Variants in EDIL3 observed in about 807,000 individuals in gnomAD.
EDIL3 encodes the protein EGF-like repeat and discoidin I-like domain-containing protein 3.
A neutral mutation model predicts 67.4 loss-of-function variants in EDIL3; 37 were observed. That is an observed-to-expected ratio of 0.55 (90% CI 0.42 to 0.72). The LOEUF is 0.72. EDIL3 is among the 30% of genes least tolerant of loss of function. EDIL3 has a pLI of 0.00. For missense variants in EDIL3, 527 were observed against 586.3 expected, an observed-to-expected ratio of 0.90 and a Z score of 1.04; for synonymous variants, 195 against 196.3, an observed-to-expected ratio of 0.99 and a Z score of 0.05.
intron 9 of EDIL3, among the ~76,000 whole-genome samples, chr5:83,966,509 G>A (rs1744693996): frequency 6.6e-6 from 1 of 152,026 alleles, no homozygotes; most frequent in African/African-American, 2.4e-5. Flanking sequence ...TTATACTGAA[G>A]AAGGCAAGTA....
intron 3 of EDIL3, among the ~76,000 whole-genome samples, chr5:84,183,552 G>A (rs1749051393): frequency 6.6e-6 from 1 of 151,884 alleles, no homozygotes; most frequent in Non-Finnish European, 1.5e-5. Context: ...TTGCAGGTGA[G>A]GAAAAAAACC....
intron 1 of EDIL3, among the ~76,000 whole-genome samples, chr5:84,380,245 T>C (rs980853684): frequency 6.1e-4 from 93 of 152,068 alleles, no homozygotes; most frequent in Non-Finnish European, 2.8e-4. Flanking sequence ...ATATAGTCTA[T>C]AACTATAGAA....
intron 6 of EDIL3, among the ~76,000 whole-genome samples, chr5:84,082,264 G>T (rs975260951): frequency 1.3e-5 from 2 of 152,168 alleles, no homozygotes; most frequent in African/African-American, 4.8e-5. Context: ...TTTAAATTCT[G>T]ACTTGGGATC....
intron 9 of EDIL3, among the ~76,000 whole-genome samples, chr5:83,966,895 A>T (rs1338338980): frequency 6.6e-6 from 1 of 152,152 alleles, no homozygotes; most frequent in Non-Finnish European, 1.5e-5. Context: ...TGTTCTAGCA[A>T]CAAGTTCTGG....
intron 4 of EDIL3, among the ~76,000 whole-genome samples, chr5:84,177,475 C>T (rs1748941093): frequency 6.6e-6 from 1 of 152,002 alleles, no homozygotes; most frequent in African/African-American, 2.4e-5. Flanking sequence ...TTTAGTTTAG[C>T]GAATCTGTTC....
intron 3 of EDIL3, among the ~76,000 whole-genome samples, chr5:84,186,088 C>A (rs1350782077): frequency 6.6e-6 from 1 of 151,750 alleles, no homozygotes; most frequent in Non-Finnish European, 1.5e-5. Context: ...GTTTTATTGC[C>A]CCAAGTGATA....
At chr5:84,037,569 C>T (rs1477012856) in intron 9 of EDIL3, among the ~76,000 whole-genome samples, 1 of 152,056 alleles carries the variant, frequency 6.6e-6, no homozygotes, top group Non-Finnish European at 1.5e-5. Context: ...AAACAGATTT[C>T]AGTATATTTT....
At chr5:84,314,772 G>A (rs977380421) in intron 1 of EDIL3, among the ~76,000 whole-genome samples, 6 of 151,982 alleles carry the variant, frequency 3.9e-5, no homozygotes, top group Admixed American at 2.0e-4. Flanking sequence ...GACAACAAAC[G>A]TTAAATTCCA....
At chr5:83,948,597 T>A (rs561703778) in intron 10 of EDIL3, among the ~76,000 whole-genome samples, 1 of 149,530 alleles carries the variant, frequency 6.7e-6, no homozygotes, top group Admixed American at 6.6e-5. Flanking sequence ...AAAAATCAAA[T>A]TTTTTTTATT....
intron 9 of EDIL3, among the ~76,000 whole-genome samples, chr5:84,014,421 C>T (rs765613609): frequency 6.6e-5 from 10 of 152,116 alleles, no homozygotes; most frequent in South Asian, 2.1e-4. Context: ...CCAAGGCAGG[C>T]GGATTACAAA....
rs145608088 is a variant in EDIL3, at chr5:83,979,327, G to T, written c.1138-15967C>A. On this transcript the variant is annotated intron_variant, in intron 9 of 10. Coordinates refer to ENST00000296591, the MANE Select transcript of EDIL3 (RefSeq NM_005711.5). ...GCACTGCTGATGAAAATCCAAATTG[G>T]CTTAACAACTTCGTAGGACAAATTA... 9.3e-3 allele frequency among the ~76,000 whole-genome samples: 1,417 copies of T among 152,170 alleles called. 16 individuals carry two copies. Among genetic ancestry groups the T allele is most frequent in the African/African-American group, 0.033 (1,353 of 41,548 alleles).
chr5:83,997,522 G>A (rs1023193560), intron 9 of EDIL3, among the ~76,000 whole-genome samples: 5 of 152,038 alleles, frequency 3.3e-5, no homozygotes, highest in Non-Finnish European at 5.9e-5. Context: ...GAATAAAGAT[G>A]GAATTTAGAT....
intron 1 of EDIL3, among the ~76,000 whole-genome samples, chr5:84,286,325 T>C (rs1352647993): frequency 1.3e-5 from 2 of 152,140 alleles, no homozygotes; most frequent in Non-Finnish European, 2.9e-5. Flanking sequence ...TGTCGTTATT[T>C]TAAAAGAAAA....
chr5:84,319,494 C>CAAAA (rs55738450), intron 1 of EDIL3, among the ~76,000 whole-genome samples: 15 of 42,830 alleles, frequency 3.5e-4, no homozygotes, highest in South Asian at 1.4e-3. Context: ...CAAAAAACAA[C>CAAAA]AAAAAAAAAA....
intron 1 of EDIL3, among the ~76,000 whole-genome samples, chr5:84,335,754 A>C (rs969127452): frequency 6.6e-6 from 1 of 152,178 alleles, no homozygotes; most frequent in African/African-American, 2.4e-5. Flanking sequence ...ATCTTAGAGG[A>C]GGATGTCTCA....
At chr5:84,333,686 A>G (rs1746922891) in intron 1 of EDIL3, among the ~76,000 whole-genome samples, 2 of 152,232 alleles carry the variant, frequency 1.3e-5, no homozygotes, top group South Asian at 4.1e-4. Context: ...CAAGTAGAAT[A>G]ATAATATCCA....
At chr5:84,092,424 T>A (rs1747183063) in intron 6 of EDIL3, among the ~76,000 whole-genome samples, 1 of 152,188 alleles carries the variant, frequency 6.6e-6, no homozygotes, top group Admixed American at 6.5e-5. Context: ...ATTTAAAAAG[T>A]CTTTTATATA....
intron 3 of EDIL3, among the ~76,000 whole-genome samples, chr5:84,198,627 A>C (rs576946629): frequency 6.6e-6 from 1 of 152,216 alleles, no homozygotes; most frequent in South Asian, 2.1e-4. Flanking sequence ...TACCACCTAA[A>C]GTTGTCTCAT....
At chr5:84,371,319 G>GTATATATA (rs71607709) in intron 1 of EDIL3, among the ~76,000 whole-genome samples, 3,208 of 115,396 alleles carry the variant, frequency 0.028, 62 homozygotes, top group Middle Eastern at 0.054. Flanking sequence ...TAGATAAAAA[G>GTATATATA]TATATATATA....
Sources: allele counts gnomAD v4.1 joint callset (sites outside exome capture counted in the v4.1 genomes callset), GRCh38; gene constraint gnomAD v4.1.1; transcripts MANE v1.5; gene names NCBI Gene and HGNC (gene_info 2026-07-23, HGNC 2026-07-21).